Variants in ULK2 observed in about 807,000 individuals in gnomAD.
ULK2 encodes the protein serine/threonine-protein kinase ULK2.
Under a neutral mutation model 127.5 loss-of-function variants are expected in ULK2, and 76 were observed. The observed-to-expected ratio is 0.60, with a 90% CI of 0.50 to 0.72. The LOEUF (loss-of-function observed/expected upper bound fraction) is 0.72, where lower values mean the gene tolerates loss of function less well. ULK2 is among the 30% of genes least tolerant of loss of function. The probability of loss-of-function intolerance (pLI) is 0.00; values close to 1 mark genes in which losing one functional copy is unlikely to be tolerated. For synonymous variants in ULK2, 452 were observed against 461.9 expected (o/e 0.98, Z 0.28); for missense variants, 1,144 against 1,295.9 (o/e 0.88, Z 1.80).
chr17:19,864,746 C>A (rs1597830864), intron 3 of ULK2, 57 bp downstream of exon 3: 1 of 734,312 alleles, frequency 1.4e-6, no homozygotes, highest in Non-Finnish European at 1.9e-6. Context: ...TCACTTAAAT[C>A]TGTATGAAAT....
At chr17:19,808,513 T>C (rs1473452555) in intron 14 of ULK2, among the ~76,000 whole-genome samples, 1 of 152,094 alleles carries the variant, frequency 6.6e-6, no homozygotes, top group African/African-American at 2.4e-5. Flanking sequence ...GGAAGAAATA[T>C]TTGCAAATCA....
chr17:19,830,872 C>CA (rs1460546054), intron 10 of ULK2, among the ~76,000 whole-genome samples: 1 of 151,878 alleles, frequency 6.6e-6, no homozygotes, highest in Non-Finnish European at 1.5e-5. Flanking sequence ...ACTAAAAATA[C>CA]AAAAATTAGC....
intron 12 of ULK2, 118 bp downstream of exon 12, chr17:19,824,976 A>G: frequency 2.0e-6 from 2 of 991,560 alleles, no homozygotes; most frequent in South Asian, 1.7e-5. Flanking sequence ...CCCAAATCTC[A>G]GCTACATTAG....
At chr17:19,859,129 TAAGTA>T (rs1420701261) in intron 3 of ULK2, among the ~76,000 whole-genome samples, 1 of 150,958 alleles carries the variant, frequency 6.6e-6, no homozygotes, top group Non-Finnish European at 1.5e-5. Flanking sequence ...CTCTATTAAT[TAAGTA>T]AATATAATTT....
At chr17:19,849,826 T>C in intron 3 of ULK2, 52 bp from the exon 4 acceptor site, 1 of 1,119,936 alleles carries the variant, frequency 8.9e-7, no homozygotes, top group Non-Finnish European at 1.3e-6. Flanking sequence ...AACACAAAAT[T>C]TAAAGATAAT....
At chr17:19,823,116 A>C (rs1597769580) in intron 12 of ULK2, among the ~76,000 whole-genome samples, 2 of 110,526 alleles carry the variant, frequency 1.8e-5, no homozygotes, top group Admixed American at 1.0e-4. Flanking sequence ...ATGCCCAGGC[A>C]CGCCTGGCTA....
chr17:19,794,143 A>T (rs921888635), intron 20 of ULK2, among the ~76,000 whole-genome samples: 1 of 152,192 alleles, frequency 6.6e-6, no homozygotes, highest in Admixed American at 6.5e-5. Context: ...AGATATGTGA[A>T]TATCTTCCTG....
intron 20 of ULK2, among the ~76,000 whole-genome samples, chr17:19,788,083 G>C (rs559935405): frequency 5.9e-5 from 9 of 152,274 alleles, no homozygotes; most frequent in African/African-American, 2.2e-4. Flanking sequence ...GTTTCTGCAA[G>C]CCTCACCACC....
intron 8 of ULK2, among the ~76,000 whole-genome samples, chr17:19,842,092 A>G (rs1388466783): frequency 2.0e-5 from 3 of 152,202 alleles, no homozygotes; most frequent in South Asian, 2.1e-4. Flanking sequence ...CAAATAGCTG[A>G]TAACAACAGC....
In ULK2 at chr17:19,783,902, C is replaced by G; in HGVS notation, c.2255G>C (p.Gly752Ala). 6.6e-7 allele frequency: 1 copy of G among 1,507,554 alleles called. No homozygotes were observed. Among genetic ancestry groups the G allele is most frequent in the Non-Finnish European group, 8.9e-7 (1 of 1,126,720 alleles). 93.4% of individuals were successfully genotyped at this position (1,507,554 alleles called of 1,614,324 possible). The change falls in exon 22 of 27, where the codon GGG (glycine) becomes GCG (alanine). Residue 752 changes from glycine to alanine, a missense_variant. Gly to Ala is a moderately conservative substitution (Grantham distance 60). This residue lies in a region of ULK2 where 913 missense variants were observed against 970.5 expected (regional missense o/e 0.94). Coordinates refer to ENST00000395544, the MANE Select transcript of ULK2 (RefSeq NM_014683.4). ...MFLRTRTTSV[G>A]PSNSGGSLCA... Reference sequence around the variant, plus strand: ...AAGAGAGCCCCCGGAGTTGCTGGGCCCCACTACAAGGAAACAGAGGATACA... The same window carrying G: ...AAGAGAGCCCCCGGAGTTGCTGGGCGCCACTACAAGGAAACAGAGGATACA...
intron 8 of ULK2, 36 bp from the exon 9 acceptor site, chr17:19,841,583 T>TG (rs1567717315): frequency 5.3e-6 from 8 of 1,506,138 alleles, no homozygotes; most frequent in Non-Finnish European, 7.1e-6. Flanking sequence ...TCCTAAACAA[T>TG]GGGGGCAAAA....
chr17:19,794,436 C>G (rs1281917286), intron 20 of ULK2, among the ~76,000 whole-genome samples: 1 of 151,878 alleles, frequency 6.6e-6, no homozygotes, highest in Non-Finnish European at 1.5e-5. Flanking sequence ...CAGAAAACAC[C>G]AAGCAGAATG....
intron 8 of ULK2, among the ~76,000 whole-genome samples, chr17:19,841,840 T>C (rs1702038417): frequency 6.6e-6 from 1 of 152,192 alleles, no homozygotes; most frequent in Non-Finnish European, 1.5e-5. Flanking sequence ...GAAAATTCTG[T>C]ACATCTGAGT....
rs1175829422 is a variant in ULK2 at position 19,774,132 on chromosome 17, G to T, written c.*2217C>A. The stretch of plus-strand genomic sequence containing the variant: ...GGTACATTTCCACTCTATGAAACAC[G>T]ATATGAAATTTAAAAATACTCAGGG... On this transcript the variant is annotated 3_prime_UTR_variant, in exon 27 of 27. Transcript: ENST00000395544. The T allele has an allele frequency of 6.6e-6, 1 of 152,512 alleles. No homozygotes were observed. The highest frequency in any genetic ancestry group is 2.4e-5 in the African/African-American group (1 of 41,386). 9.4% of individuals were successfully genotyped at this position (152,512 alleles called of 1,614,324 possible). A position where few individuals can be genotyped will look rare whatever the true frequency, so the allele number is the denominator to read the frequency against.
At chr17:19,787,850 C>A (rs1201597462) in intron 20 of ULK2, among the ~76,000 whole-genome samples, 1 of 152,224 alleles carries the variant, frequency 6.6e-6, no homozygotes, top group Non-Finnish European at 1.5e-5. Flanking sequence ...CAGCACCACC[C>A]TCCGCCCCTC....
intron 25 of ULK2, among the ~76,000 whole-genome samples, chr17:19,778,905 G>A: frequency 6.6e-6 from 1 of 152,150 alleles, no homozygotes; most frequent in East Asian, 1.9e-4. Context: ...ACGAACGGAG[G>A]AATTTATAAG....
chr17:19,852,215 A>C (rs2042032222), intron 3 of ULK2, among the ~76,000 whole-genome samples: 1 of 150,780 alleles, frequency 6.6e-6, no homozygotes. Flanking sequence ...ACAGAGCAAG[A>C]CTCCATCTCA....
intron 25 of ULK2, among the ~76,000 whole-genome samples, chr17:19,779,531 C>CAAAAAAAAAAAAAAAAAAAAAAAAAAAAA: frequency 1.5e-5 from 1 of 67,998 alleles, no homozygotes. Context: ...AACTCCATCT[C>CAAAAAAAAAAAAAAAAAAAAAAAAAAAAA]AAAAAAAAAA....
intron 18 of ULK2, 97 bp from the exon 19 acceptor site, chr17:19,796,379 C>A: frequency 8.8e-7 from 1 of 1,134,948 alleles, no homozygotes; most frequent in Non-Finnish European, 1.2e-6. Context: ...TAGTCAGGAG[C>A]ATGTAGGAGA....
Sources: gnomAD v4.1 joint callset for allele counts (sites outside exome capture counted in the v4.1 genomes callset) on GRCh38, gnomAD v4.1.1 for gene constraint, gnomAD v4.1.1 regional missense constraint, MANE v1.5 for transcripts, NCBI Gene and HGNC (gene_info 2026-07-23, HGNC 2026-07-21) for gene names.